CALY: variants seen among roughly 807,000 people sequenced by gnomAD.
CALY encodes the protein neuron-specific vesicular protein calcyon.
CALY carries 15 observed loss-of-function variants against 20.2 expected under a neutral mutation model. That is an observed-to-expected ratio of 0.74 (90% CI 0.50 to 1.14). The LOEUF (loss-of-function observed/expected upper bound fraction) is 1.14. Ranked by LOEUF, CALY falls within the 50% of genes most tolerant of loss-of-function variation. The pLI is 0.00. For missense variants in CALY, 270 were observed against 304.4 expected, an observed-to-expected ratio of 0.89 and a Z score of 0.84; for synonymous variants, 129 against 131.8, an observed-to-expected ratio of 0.98 and a Z score of 0.15.
chr10:133,324,218 G>T lies in CALY; in HGVS notation c.*1377C>A. 2.6e-6 allele frequency: 1 copy of T among 385,998 alleles called. No homozygotes were observed. The highest frequency in any genetic ancestry group is 1.8e-5 in the South Asian group (1 of 55,366). The allele number at this position is 385,998 out of a possible 1,614,324, so 23.9% of individuals were successfully genotyped here. On this transcript the variant is annotated 3_prime_UTR_variant, in exon 6 of 6. Coordinates refer to ENST00000252939, the MANE Select transcript of CALY (RefSeq NM_015722.4). ...CAGTTCTGCGTGTGCTTGTTCATCTGGCCAATGCCCTTAGAAGCCCAGCAG... is the reference window on the plus strand; with the variant it reads ...CAGTTCTGCGTGTGCTTGTTCATCTTGCCAATGCCCTTAGAAGCCCAGCAG...
At chr10:133,328,594 C>G (rs1208316662) in intron 2 of CALY, among the ~76,000 whole-genome samples, 1 of 152,184 alleles carries the variant, frequency 6.6e-6, no homozygotes, top group Non-Finnish European at 1.5e-5. Context: ...ATGGACAGCA[C>G]GTGGGCGGGG....
At chr10:133,333,255 C>T (rs1335490842) in intron 1 of CALY, among the ~76,000 whole-genome samples, 1 of 121,262 alleles carries the variant, frequency 8.2e-6, no homozygotes, top group Admixed American at 1.0e-4. Context: ...GGAATGATTG[C>T]AAGGTGGAAG....
At chr10:133,326,673 A>G (rs1274876363) in intron 4 of CALY, among the ~76,000 whole-genome samples, 1 of 152,202 alleles carries the variant, frequency 6.6e-6, no homozygotes, top group Non-Finnish European at 1.5e-5. Flanking sequence ...TATTTTTTAA[A>G]TTACAAGAAG....
intron 1 of CALY, among the ~76,000 whole-genome samples, chr10:133,329,386 C>T (rs1294147923): frequency 8.7e-6 from 1 of 114,348 alleles, no homozygotes; most frequent in African/African-American, 3.6e-5. Flanking sequence ...CCTTCTTCTT[C>T]TTCTTCTTTT....
At chr10:133,326,561 T>C (rs1318131753) in intron 4 of CALY, among the ~76,000 whole-genome samples, 1 of 151,870 alleles carries the variant, frequency 6.6e-6, no homozygotes, top group Non-Finnish European at 1.5e-5. Flanking sequence ...AGCATTAATA[T>C]CATGTTATAT....
chr10:133,331,430 T>G (rs1471176638), intron 1 of CALY, among the ~76,000 whole-genome samples: 1 of 152,246 alleles, frequency 6.6e-6, no homozygotes, highest in East Asian at 1.9e-4. Context: ...GCAAGGTTGT[T>G]GGATTTAAGG....
Position 133,324,374 on chromosome 10 carries a change from C to G in CALY, c.*1221G>C. ...TGCCGCTGTTCCAAAGCAGGCCAGT[C>G]CCACTGAGCTGGGAAGCTGCCTAGA... On this transcript the variant is annotated 3_prime_UTR_variant, in exon 6 of 6. Coordinates refer to ENST00000252939, the MANE Select transcript of CALY (RefSeq NM_015722.4). The G allele has an allele frequency of 2.2e-6, 1 of 455,928 alleles. No homozygotes were observed. The highest frequency in any genetic ancestry group is 4.4e-6 in the Non-Finnish European group (1 of 226,868). The allele number at this position is 455,928 out of a possible 1,614,324, so 28.2% of individuals were successfully genotyped here. A position where few individuals can be genotyped will look rare whatever the true frequency, so the allele number is the denominator to read the frequency against.
intron 1 of CALY, among the ~76,000 whole-genome samples, chr10:133,334,573 GGAAGGACATGAGGGA>G (rs1848395410): frequency 6.7e-6 from 1 of 148,722 alleles, no homozygotes; most frequent in African/African-American, 2.5e-5. Flanking sequence ...GCTCTGAGGG[GGAAGGACATGAGGGA>G]GAAGGATCTG....
chr10:133,327,308 G>A (rs1339467192), intron 3 of CALY: 6 of 501,190 alleles, frequency 1.2e-5, no homozygotes, highest in South Asian at 2.6e-5. Context: ...GCTCCCAGGG[G>A]ATGGGGCCGC....
chr10:133,333,733 G>T (rs1419477253), intron 1 of CALY, among the ~76,000 whole-genome samples: 1 of 148,194 alleles, frequency 6.7e-6, no homozygotes, highest in Non-Finnish European at 1.5e-5. Context: ...GAGGGGGAAA[G>T]ATCTGAGAGT....
chr10:133,335,885 GGTGA>G (rs1036208151), intron 1 of CALY, among the ~76,000 whole-genome samples: 1 of 152,168 alleles, frequency 6.6e-6, no homozygotes, highest in African/African-American at 2.4e-5. Context: ...TGGGGGCGCG[GGTGA>G]GTGAGGCCGT....
In CALY at chr10:133,324,431, T is replaced by G; in HGVS notation, c.*1164A>C. 7.6e-6 allele frequency: 3 copies of G among 394,434 alleles called. No individual in the cohort carries two copies. The highest frequency in any genetic ancestry group is 1.0e-5 in the Non-Finnish European group (2 of 198,998). The allele number at this position is 394,434 out of a possible 1,614,324, so 24.4% of individuals were successfully genotyped here. ...CCTAGCCAGCAAGCCTGGGAGCCAA[T>G]GGTGGGGGGCTTCCATCCACCAATG... On this transcript the variant is annotated 3_prime_UTR_variant, in exon 6 of 6. Coordinates refer to ENST00000252939, the MANE Select transcript of CALY (RefSeq NM_015722.4).
At chr10:133,335,164 G>A (rs1589857979) in intron 1 of CALY, among the ~76,000 whole-genome samples, 1 of 152,138 alleles carries the variant, frequency 6.6e-6, no homozygotes, top group East Asian at 1.9e-4. Context: ...GGCTTGAGGT[G>A]GAGCTTGGCC....
chr10:133,326,459 T>C (rs1240126865), intron 4 of CALY: 2 of 564,648 alleles, frequency 3.5e-6, no homozygotes, highest in African/African-American at 3.8e-5. Context: ...AATAAAAGGC[T>C]TTCTAAAAAC....
At chr10:133,326,506 TA>T (rs998740721) in intron 4 of CALY, among the ~76,000 whole-genome samples, 68 of 145,708 alleles carry the variant, frequency 4.7e-4, no homozygotes, top group Admixed American at 6.8e-4. Context: ...CAAAGAGATT[TA>T]AAAAAAAAAA....
At chr10:133,335,455 C>T (rs1475065537) in intron 1 of CALY, among the ~76,000 whole-genome samples, 1 of 152,206 alleles carries the variant, frequency 6.6e-6, no homozygotes, top group Non-Finnish European at 1.5e-5. Flanking sequence ...CTCGGACGGC[C>T]AATTTACGTC....
At position 133,329,148 on chromosome 10, in the gene CALY, C is replaced by T. The variant is rs1220740695; in HGVS notation, c.-20-139G>A. On this transcript the variant is annotated intron_variant, in intron 1 of 5. Coordinates refer to ENST00000252939, the MANE Select transcript of CALY (RefSeq NM_015722.4). ...CAGGGACAGGCTGTAAGTGGTCAGG[C>T]CAGCCTCCTTGGACAAACCGGTCAA... The T allele has an allele frequency of 8.4e-6, 6 of 714,756 alleles. No individual in the cohort carries two copies. In the East Asian group the frequency reaches 1.7e-4, roughly 20 times the overall value. 44.3% of individuals were successfully genotyped at this position (714,756 alleles called of 1,614,324 possible). A position where few individuals can be genotyped will look rare whatever the true frequency, so the allele number is the denominator to read the frequency against.
intron 1 of CALY, among the ~76,000 whole-genome samples, chr10:133,333,534 G>A (rs1457050794): frequency 6.6e-6 from 1 of 151,744 alleles, no homozygotes; most frequent in East Asian, 1.9e-4. Flanking sequence ...GGATCTGAGG[G>A]GGGAAGAATC....
At chr10:133,327,296 G>A in intron 3 of CALY, 2 of 500,624 alleles carry the variant, frequency 4.0e-6, no homozygotes, top group Non-Finnish European at 7.2e-6. Flanking sequence ...CCTGCGGTGT[G>A]GGCTCCCAGG....
Sources: gnomAD v4.1 joint callset for allele counts (sites outside exome capture counted in the v4.1 genomes callset) on GRCh38, gnomAD v4.1.1 for gene constraint, MANE v1.5 for transcripts, NCBI Gene and HGNC (gene_info 2026-07-23, HGNC 2026-07-21) for gene names.